HERC3: variants seen among roughly 807,000 people sequenced by gnomAD.
HERC3 encodes HECT and RLD domain containing E3 ubiquitin protein ligase 3.
Under a neutral mutation model 129.9 loss-of-function variants are expected in HERC3, and 58 were observed. The observed-to-expected ratio is 0.45, with a 90% CI of 0.36 to 0.56. HERC3 has a LOEUF of 0.56. Ranked by LOEUF, HERC3 falls within the 20% of genes least tolerant of loss-of-function variation. The pLI is 0.00. For missense variants in HERC3, 835 were observed against 1,244.2 expected (o/e 0.67, Z 4.95); for synonymous variants, 430 against 451.0 (o/e 0.95, Z 0.59).
At chr4:88,673,012 T>C (rs901824355) in intron 16 of HERC3, among the ~76,000 whole-genome samples, 3 of 152,188 alleles carry the variant, frequency 2.0e-5, no homozygotes, top group African/African-American at 7.2e-5. Context: ...TGATTTTTAC[T>C]CCTTTTAAAG....
the HERC3 span, among the ~76,000 whole-genome samples, chr4:88,540,876 T>C: frequency 6.6e-6 from 1 of 152,234 alleles, no homozygotes; most frequent in African/African-American, 2.4e-5. Context: ...AAATACTTTA[T>C]AGACAAGAAA....
At chr4:88,609,355 T>C (rs1724039007) in intron 3 of HERC3, among the ~76,000 whole-genome samples, 1 of 152,166 alleles carries the variant, frequency 6.6e-6, no homozygotes. Context: ...TATAATACTC[T>C]TTCATAGGTA....
chr4:88,597,876 T>G (rs1722566133), intron 2 of HERC3: 1 of 152,266 alleles, frequency 6.6e-6, no homozygotes, highest in Non-Finnish European at 1.5e-5. Flanking sequence ...TTGCCTTCTA[T>G]GACATTTCTG....
chr4:88,530,518 G>A, the HERC3 span, among the ~76,000 whole-genome samples: 52 of 152,118 alleles, frequency 3.4e-4, no homozygotes, highest in Non-Finnish European at 5.3e-4. Flanking sequence ...TCTTATAGCC[G>A]TAAGAAATTA....
intron 3 of HERC3, among the ~76,000 whole-genome samples, chr4:88,642,692 G>T (rs1728251989): frequency 6.6e-6 from 1 of 152,124 alleles, no homozygotes; most frequent in Admixed American, 6.5e-5. Context: ...TTTTATAAGG[G>T]CACTAATCTC....
At chr4:88,681,052 A>C in intron 20 of HERC3, 107 bp from the exon 21 acceptor site, 1 of 1,466,580 alleles carries the variant, frequency 6.8e-7, no homozygotes, top group Non-Finnish European at 9.0e-7. Context: ...AATATTAATG[A>C]GACCTTTATT....
At chr4:88,550,493 GACAA>G in the HERC3 span, among the ~76,000 whole-genome samples, 3 of 150,704 alleles carry the variant, frequency 2.0e-5, no homozygotes, top group African/African-American at 4.9e-5. Context: ...ACCAGTAACA[GACAA>G]ACAGAGAGCC....
Position 88,655,875 on chromosome 4 carries a change from A to G in HERC3, c.909A>G (p.Arg303=). Residue 303 remains arginine (R), a splice_region_variant and synonymous_variant, in exon 9 of 26, where the codon AGA becomes AGG. Transcript: ENST00000402738. ...GATGAGTTAAATTATTTTTTCACAG[A>G]CAACATACCCTAGCCTTCGTGCCTT... ...GSEVTQIACG[R]QHTLAFVPSS... 1 of 1,603,616 alleles carries G rather than the reference A, an allele frequency of 6.2e-7. No individual in the cohort carries two copies. Among genetic ancestry groups the G allele is most frequent in the Non-Finnish European group, 8.5e-7 (1 of 1,173,756 alleles).
chr4:88,615,418 G>GACCATCTGT (rs1724797359), intron 3 of HERC3, among the ~76,000 whole-genome samples: 1 of 152,122 alleles, frequency 6.6e-6, no homozygotes, highest in Non-Finnish European at 1.5e-5. Context: ...CCCTCTAACA[G>GACCATCTGT]ATGTATGGTC....
intron 23 of HERC3, chr4:88,697,173 C>T: frequency 1.4e-6 from 2 of 1,463,520 alleles, no homozygotes; most frequent in South Asian, 1.6e-5. Flanking sequence ...CTTTTTTCTT[C>T]GTGGGCTTTC....
In HERC3 at chr4:88,600,746, G is replaced by A. The variant is rs17014244; in HGVS notation, c.-29-5049G>A. Among the ~76,000 whole-genome samples, 497 of 152,254 alleles carry A rather than the reference G, an allele frequency of 3.3e-3. 2 individuals are homozygous for A. The highest frequency in any genetic ancestry group is 0.011 in the African/African-American group (475 of 41,534). On this transcript the variant is annotated intron_variant, in intron 2 of 25. Transcript: ENST00000402738. ...CCTGTTCCATATTTTGGATGTACCCGCTTGTTGATTCATTAACATTGAACT... is the reference window on the plus strand; with the variant it reads ...CCTGTTCCATATTTTGGATGTACCCACTTGTTGATTCATTAACATTGAACT...
intron 4 of HERC3, among the ~76,000 whole-genome samples, 158 bp downstream of exon 4, chr4:88,650,157 A>G (rs1482740726): frequency 1.3e-5 from 2 of 152,188 alleles, no homozygotes; most frequent in Non-Finnish European, 2.9e-5. Flanking sequence ...AAAAGTTGCA[A>G]TTATTTATAG....
the HERC3 span, among the ~76,000 whole-genome samples, chr4:88,558,072 A>C: frequency 7.4e-5 from 8 of 108,060 alleles, no homozygotes; most frequent in Non-Finnish European, 1.0e-4. Context: ...ACTCTGACTC[A>C]AAAAAAAAAA....
intron 9 of HERC3, chr4:88,657,428 A>G (rs1290041951): frequency 6.6e-6 from 1 of 152,246 alleles, no homozygotes; most frequent in Admixed American, 6.5e-5. Flanking sequence ...TCCCAGAAGC[A>G]AAAGAATGGC....
the HERC3 span, among the ~76,000 whole-genome samples, chr4:88,549,708 TC>T: frequency 0.048 from 7,248 of 150,426 alleles, 458 homozygotes; most frequent in East Asian, 0.28. Context: ...TTTTTCTTTT[TC>T]TTTTTTTTCT....
the HERC3 span, among the ~76,000 whole-genome samples, chr4:88,540,017 CA>C: frequency 6.6e-6 from 1 of 152,086 alleles, no homozygotes; most frequent in African/African-American, 2.4e-5. Context: ...TTCTAAAAAC[CA>C]GAGCACCTCT....
chr4:88,655,212 G>A lies in HERC3; in HGVS notation c.816G>A (p.Gly272=). The A allele has an allele frequency of 6.2e-7, 1 of 1,613,940 alleles. No individual in the cohort carries two copies. The highest frequency in any genetic ancestry group is 1.1e-5 in the South Asian group (1 of 91,084). The stretch of plus-strand genomic sequence containing the variant: ...TTACCTTTGGCGCTGGTTCCTGTGG[G>A]CAACTTGGACACGACTCCATGAATG... ...GVFTFGAGSC[G]QLGHDSMNDE... The change falls in exon 8 of 26, where the codon GGG becomes GGA. Residue 272 remains glycine (G), a synonymous_variant. Transcript: ENST00000402738.
chr4:88,608,855 G>T (rs951769440), intron 3 of HERC3, among the ~76,000 whole-genome samples: 14 of 152,168 alleles, frequency 9.2e-5, no homozygotes, highest in Non-Finnish European at 1.9e-4. Flanking sequence ...TGAAGGACTT[G>T]TACAACTCTA....
chr4:88,662,294 G>A (rs1361629666), intron 10 of HERC3, 137 bp from the exon 11 acceptor site: 1 of 786,470 alleles, frequency 1.3e-6, no homozygotes. Context: ...TCTGAAGGGT[G>A]GAGGGGATCT....
Sources: allele counts gnomAD v4.1 joint callset (sites outside exome capture counted in the v4.1 genomes callset), GRCh38; gene constraint gnomAD v4.1.1; transcripts MANE v1.5; gene names NCBI Gene and HGNC (gene_info 2026-07-23, HGNC 2026-07-21).